The following EPB41 variants were observed in gnomAD, a reference collection of about 807,000 sequenced individuals.
EPB41 encodes erythrocyte membrane protein band 4.1.
Under a neutral mutation model 108.0 loss-of-function variants are expected in EPB41, and 65 were observed. The ratio of observed to expected loss-of-function variants is 0.60; its 90% CI spans 0.49 to 0.74. EPB41 has a LOEUF of 0.74. Ranked by LOEUF, EPB41 falls within the 30% of genes least tolerant of loss-of-function variation. The pLI, the probability that EPB41 is intolerant of heterozygous loss-of-function variation, is 0.00. For missense variants in EPB41, 875 were observed against 1,037.0 expected, an observed-to-expected ratio of 0.84 and a Z score of 2.15; for synonymous variants, 336 against 358.9, an observed-to-expected ratio of 0.94 and a Z score of 0.72.
chr1:28,958,819 CA>C (rs35105287), intron 1 of EPB41, among the ~76,000 whole-genome samples: 10,057 of 65,830 alleles, frequency 0.15, 190 homozygotes, highest in East Asian at 0.33. Flanking sequence ...ACCCTGTCTC[CA>C]AAAAAAAAAA....
chr1:28,896,865 C>T (rs10915207), intron 1 of EPB41, among the ~76,000 whole-genome samples: 73,916 of 151,938 alleles, frequency 0.49, 20,188 homozygotes, highest in East Asian at 0.79. Flanking sequence ...GCCAGCAGGG[C>T]GTGATAATGA....
At chr1:29,045,594 A>G (rs967660405) in intron 11 of EPB41, among the ~76,000 whole-genome samples, 8 of 145,376 alleles carry the variant, frequency 5.5e-5, no homozygotes, top group African/African-American at 1.5e-4. Flanking sequence ...GGCTCAGGCA[A>G]TCCTCCCACC....
intron 11 of EPB41, among the ~76,000 whole-genome samples, chr1:29,050,755 A>G (rs1259601365): frequency 6.6e-6 from 1 of 151,892 alleles, no homozygotes; most frequent in East Asian, 1.9e-4. Flanking sequence ...GGCTCACTGC[A>G]AGCTCCACCT....
At chr1:28,894,395 A>T (rs575699784) in intron 1 of EPB41, among the ~76,000 whole-genome samples, 1 of 152,346 alleles carries the variant, frequency 6.6e-6, no homozygotes, top group East Asian at 1.9e-4. Context: ...CCAGCATGAT[A>T]GGGGCTCAGT....
chr1:29,017,412 A>G (rs907943945), intron 6 of EPB41, among the ~76,000 whole-genome samples: 5 of 152,202 alleles, frequency 3.3e-5, no homozygotes, highest in African/African-American at 7.2e-5. Flanking sequence ...AACACGTGGT[A>G]AGGAAGTCAG....
chr1:29,115,823 G>A lies in EPB41; in HGVS notation c.*6+20G>A. 1 of 1,592,734 alleles carries A rather than the reference G, an allele frequency of 6.3e-7. No individual in the cohort carries two copies. The highest frequency in any genetic ancestry group is 8.6e-7 in the Non-Finnish European group (1 of 1,161,026). ...GCTCAGGTACTGGGCGTTCCTGCTGGGGCTGAGGGTGCCCACAGTCCCAGC... is the reference window on the plus strand; with the variant it reads ...GCTCAGGTACTGGGCGTTCCTGCTGAGGCTGAGGGTGCCCACAGTCCCAGC... On this transcript the variant is annotated intron_variant, in intron 20 of 20. Coordinates refer to ENST00000343067, the MANE Select transcript of EPB41 (RefSeq NM_001376013.1). This position sits in a 1 kb window ranked among gnomAD's most constrained non-coding sequence, Gnocchi z 4.4.
chr1:29,039,417 C>T lies in EPB41; in HGVS notation c.1627C>T (p.Leu543Phe). 1.2e-6 allele frequency: 2 copies of T among 1,613,958 alleles called. No homozygotes were observed. The highest frequency in any genetic ancestry group is 1.7e-6 in the Non-Finnish European group (2 of 1,180,016). Reference protein sequence around the residue: ...RTASKRASRSLDGAAAVDSAD... With the variant: ...RTASKRASRSFDGAAAVDSAD... ...AGCAAGTAAACGGGCGTCCCGGAGCCTCGATGGAGGTTTGTATTGAATATT... is the reference window on the plus strand; with the variant it reads ...AGCAAGTAAACGGGCGTCCCGGAGCTTCGATGGAGGTTTGTATTGAATATT... Residue 543 changes from leucine to phenylalanine, a missense_variant, in exon 11 of 21, where the codon CTC becomes TTC. Around this residue, in one of 3 missense-constraint regions of EPB41, gnomAD observed 519 missense variants for 627.3 expected, o/e 0.83. Transcript: ENST00000343067.
intron 16 of EPB41, chr1:29,070,564 GTCTTTTCTCGTGA>G: frequency 8.1e-7 from 1 of 1,232,088 alleles, no homozygotes; most frequent in African/African-American, 1.6e-5. Flanking sequence ...CTTTCATGAT[GTCTTTTCTCGTGA>G]TCCTTGTGTT....
intron 16 of EPB41, among the ~76,000 whole-genome samples, chr1:29,074,069 G>A (rs762475008): frequency 1.3e-5 from 2 of 152,108 alleles, no homozygotes; most frequent in Non-Finnish European, 2.9e-5. Context: ...TTTTAAGAAG[G>A]TATTATGGAG....
Position 28,993,540 on chromosome 1 carries a change from G to A in EPB41, c.679G>A (p.Glu227Lys), listed in dbSNP as rs750437420. The A allele has an allele frequency of 3.7e-6, 6 of 1,613,676 alleles. 1 individual carries two copies. The East Asian group carries it at 6.7e-5, about 18-fold the overall frequency. The stretch of plus-strand genomic sequence containing the variant: ...TGACACAGTTTATGAATGTGTTGTG[G>A]AGGTGAGTATGTTTTCATTTCCAAC... ...LDDTVYECVV[E>K]KHAKGQDLLK... The change falls in exon 3 of 21, where the codon GAG becomes AAG. Residue 227 changes from glutamate to lysine, a missense_variant and splice_region_variant. Glu to Lys is a moderately conservative substitution (Grantham distance 56). This residue lies in a region of EPB41 where 353 missense variants were observed against 393.2 expected (regional missense o/e 0.90). Transcript: ENST00000343067.
intron 4 of EPB41, among the ~76,000 whole-genome samples, chr1:29,008,514 G>A (rs937112978): frequency 3.3e-5 from 5 of 152,174 alleles, no homozygotes; most frequent in African/African-American, 1.2e-4. Context: ...GATGAGGCAG[G>A]ATTGGAATTC....
At chr1:28,937,026 A>G (rs1263380423) in intron 1 of EPB41, among the ~76,000 whole-genome samples, 1 of 152,190 alleles carries the variant, frequency 6.6e-6, no homozygotes, top group Non-Finnish European at 1.5e-5. Context: ...TACATTCCTA[A>G]AGGCAGTGCA....
chr1:28,943,524 C>T (rs543255714), intron 1 of EPB41, among the ~76,000 whole-genome samples: 15 of 152,084 alleles, frequency 9.9e-5, no homozygotes, highest in South Asian at 2.1e-4. Flanking sequence ...TGTGGTGGCA[C>T]GCACCTGTAG....
chr1:28,978,655 A>G (rs1254036263), intron 1 of EPB41, among the ~76,000 whole-genome samples: 1 of 151,270 alleles, frequency 6.6e-6, no homozygotes, highest in Non-Finnish European at 1.5e-5. Flanking sequence ...AGTCTTGTGG[A>G]TTAGGTGGGG....
chr1:28,936,264 A>G (rs988336144), intron 1 of EPB41, among the ~76,000 whole-genome samples: 13 of 152,198 alleles, frequency 8.5e-5, no homozygotes, highest in Non-Finnish European at 1.8e-4. Context: ...TCAGTTAGAG[A>G]TAAGAAAACT....
intron 16 of EPB41, among the ~76,000 whole-genome samples, chr1:29,067,724 AC>A (rs1476764486): frequency 2.0e-5 from 3 of 151,948 alleles, no homozygotes; most frequent in Non-Finnish European, 4.4e-5. Flanking sequence ...TCAAAGTGTG[AC>A]TAAAATTGGC....
intron 17 of EPB41, among the ~76,000 whole-genome samples, chr1:29,108,028 C>CAAA (rs1174568864): frequency 2.5e-4 from 11 of 44,296 alleles, no homozygotes; most frequent in African/African-American, 6.2e-4. Flanking sequence ...GACTCCATCT[C>CAAA]AAAAAAAAAA....
At chr1:28,972,716 C>A (rs1325837598) in intron 1 of EPB41, among the ~76,000 whole-genome samples, 1 of 151,684 alleles carries the variant, frequency 6.6e-6, no homozygotes, top group African/African-American at 2.4e-5. Context: ...TCTCCCACCT[C>A]ACGTTCCTGT....
In EPB41 at chr1:29,018,383, G is replaced by A. The variant is rs2096603087; in HGVS notation, c.1065G>A (p.Leu355=). The change falls in exon 7 of 21, where the codon CTG becomes CTA. Residue 355 remains leucine, a synonymous_variant. Coordinates refer to ENST00000343067, the MANE Select transcript of EPB41 (RefSeq NM_001376013.1). The surrounding 1 kb of genome is among the most constrained non-coding windows in gnomAD (Gnocchi z 4.4). ...TGGATTATGTTAGTGATTTTAAACT[G>A]GCCCCGAATCAGACCAAGGAACTTG... The part of the protein sequence containing the change: ...HGVDYVSDFK[L]APNQTKELEE... The A allele has an allele frequency of 3.1e-6, 5 of 1,614,112 alleles. No individual in the cohort carries two copies. The highest frequency in any genetic ancestry group is 4.2e-6 in the Non-Finnish European group (5 of 1,180,038).
Sources: allele counts gnomAD v4.1 joint callset (sites outside exome capture counted in the v4.1 genomes callset), GRCh38; gene constraint gnomAD v4.1.1; regional missense constraint gnomAD v4.1.1; non-coding constraint Gnocchi (gnomAD v3.1); transcripts MANE v1.5; gene names NCBI Gene and HGNC (gene_info 2026-07-23, HGNC 2026-07-21).